Variants in CSMD1 observed in about 807,000 individuals in gnomAD.
CSMD1 encodes the protein CUB and Sushi multiple domains 1.
Under a neutral mutation model 417.5 loss-of-function variants are expected in CSMD1, and 213 were observed. That is an observed-to-expected ratio of 0.51 (90% CI 0.46 to 0.57). The LOEUF is 0.57. Among genes scored for constraint, CSMD1 ranks in the 20% least tolerant of loss-of-function variants. The probability of loss-of-function intolerance (pLI) is 0.00; values close to 1 mark genes in which losing one functional copy is unlikely to be tolerated. For synonymous variants in CSMD1, 2,862 were observed against 1,736.8 expected, an observed-to-expected ratio of 1.65 and a Z score of -16.11; for missense variants, 6,923 against 4,529.7, an observed-to-expected ratio of 1.53 and a Z score of -15.17.
intron 3 of CSMD1, among the ~76,000 whole-genome samples, chr8:4,176,691 C>G (rs549437385): frequency 6.6e-6 from 1 of 150,906 alleles, no homozygotes; most frequent in Non-Finnish European, 1.5e-5. Context: ...AGCCATCTCA[C>G]GTGCAGAGAC....
chr8:4,429,545 G>T (rs565790683), intron 2 of CSMD1, among the ~76,000 whole-genome samples: 7 of 152,216 alleles, frequency 4.6e-5, no homozygotes, highest in Admixed American at 3.3e-4. Flanking sequence ...TTGCAAAAGC[G>T]TGAGACTCAT....
intron 3 of CSMD1, among the ~76,000 whole-genome samples, chr8:4,402,812 TTTTTTTTTC>T (rs1563136653): frequency 3.2e-4 from 19 of 58,828 alleles, no homozygotes; most frequent in African/African-American, 1.1e-3. Context: ...TTTTTTTTTT[TTTTTTTTTC>T]TTTTTTTTTT....
In CSMD1 at chr8:4,511,431, G is replaced by C. The variant is rs189387051; in HGVS notation, c.303-91366C>G. Among the ~76,000 whole-genome samples, 3 of 152,274 alleles carry C rather than the reference G, an allele frequency of 2.0e-5. No individual in the cohort carries two copies. In the East Asian group the frequency reaches 5.8e-4, roughly 29 times the overall value. On this transcript the variant is annotated intron_variant, in intron 2 of 69. Coordinates refer to ENST00000635120, the MANE Select transcript of CSMD1 (RefSeq NM_033225.6). ...TGGTTTCTATTTTCTGGTTTATACAGATTATTGTTTTAAAAAGCAGAATAC... is the reference window on the plus strand; with the variant it reads ...TGGTTTCTATTTTCTGGTTTATACACATTATTGTTTTAAAAAGCAGAATAC...
At chr8:4,745,083 C>G (rs545070423) in intron 1 of CSMD1, among the ~76,000 whole-genome samples, 1 of 151,916 alleles carries the variant, frequency 6.6e-6, no homozygotes, top group Non-Finnish European at 1.5e-5. Flanking sequence ...AATAAAATCT[C>G]GAGAAATGCG....
intron 1 of CSMD1, among the ~76,000 whole-genome samples, chr8:4,750,402 C>G (rs905988279): frequency 3.9e-5 from 6 of 152,076 alleles, no homozygotes; most frequent in African/African-American, 1.2e-4. Flanking sequence ...ATTCAATTTC[C>G]TTAGGATAAA....
chr8:4,611,281 T>C (rs757042992), intron 2 of CSMD1, among the ~76,000 whole-genome samples: 1 of 152,210 alleles, frequency 6.6e-6, no homozygotes, highest in Non-Finnish European at 1.5e-5. Context: ...TGTGAAAACC[T>C]TTTCATACCA....
intron 7 of CSMD1, among the ~76,000 whole-genome samples, chr8:3,666,451 C>G (rs1336187066): frequency 6.6e-6 from 1 of 152,168 alleles, no homozygotes; most frequent in Non-Finnish European, 1.5e-5. Context: ...GACAGAAATA[C>G]TGAATCACGA....
intron 3 of CSMD1, among the ~76,000 whole-genome samples, chr8:4,215,462 C>G (rs981323441): frequency 6.6e-6 from 1 of 150,896 alleles, no homozygotes; most frequent in African/African-American, 2.4e-5. Context: ...ATATTTTACA[C>G]TGAGAAAAGA....
chr8:4,826,861 T>A (rs972591088), intron 1 of CSMD1, among the ~76,000 whole-genome samples: 1 of 152,116 alleles, frequency 6.6e-6, no homozygotes, highest in Non-Finnish European at 1.5e-5. Flanking sequence ...AGCTGACGGA[T>A]AAGAAAAACT....
At chr8:3,355,517 C>T (rs1451384368) in intron 21 of CSMD1, among the ~76,000 whole-genome samples, 2 of 152,120 alleles carry the variant, frequency 1.3e-5, no homozygotes, top group South Asian at 2.1e-4. Flanking sequence ...CAGGAATAGG[C>T]ATGGGACTCA....
chr8:4,307,034 C>T (rs1022942662), intron 3 of CSMD1, among the ~76,000 whole-genome samples: 5 of 152,104 alleles, frequency 3.3e-5, no homozygotes, highest in Non-Finnish European at 5.9e-5. Context: ...GCACCATGTC[C>T]ACTGTGGGGT....
intron 41 of CSMD1, among the ~76,000 whole-genome samples, chr8:3,141,873 C>A (rs1818510637): frequency 6.6e-6 from 1 of 151,524 alleles, no homozygotes; most frequent in South Asian, 2.1e-4. Context: ...TCTCTCCTCA[C>A]TGCAAGCTCC....
intron 5 of CSMD1, among the ~76,000 whole-genome samples, chr8:3,764,137 G>A (rs1055172447): frequency 6.6e-6 from 1 of 152,156 alleles, no homozygotes; most frequent in South Asian, 2.1e-4. Context: ...GGCTCAGGGA[G>A]TGCACAGCAC....
intron 3 of CSMD1, among the ~76,000 whole-genome samples, chr8:4,287,307 T>A (rs1464166748): frequency 6.6e-6 from 1 of 152,208 alleles, no homozygotes; most frequent in African/African-American, 2.4e-5. Context: ...TATTTTCAGA[T>A]AAATCAAGCA....
Position 3,216,490 on chromosome 8 carries a change from C to A in CSMD1, c.4673-1799G>T, listed in dbSNP as rs146367308. Among the ~76,000 whole-genome samples the A allele has an allele frequency of 3.5e-4, 53 of 152,172 alleles. No homozygotes were observed. In the Middle Eastern group the frequency reaches 0.027, roughly 78 times the overall value. The stretch of plus-strand genomic sequence containing the variant: ...TTTTGATCATTTTTTTGTTATAAAT[C>A]TCTTTTAGTCTAGTTTCCTGTTTGA... On this transcript the variant is annotated intron_variant, in intron 29 of 69. Transcript: ENST00000635120.
At chr8:4,577,435 G>A (rs1211556799) in intron 2 of CSMD1, among the ~76,000 whole-genome samples, 2 of 152,074 alleles carry the variant, frequency 1.3e-5, no homozygotes, top group Non-Finnish European at 2.9e-5. Flanking sequence ...CTGCTCTCAG[G>A]AACCCAACAG....
chr8:3,774,173 G>C (rs1294779203), intron 5 of CSMD1, among the ~76,000 whole-genome samples: 1 of 152,150 alleles, frequency 6.6e-6, no homozygotes, highest in African/African-American at 2.4e-5. Flanking sequence ...AGCCTTTTGT[G>C]ACCTGCACCG....
chr8:4,908,915 T>C (rs555826656), intron 1 of CSMD1, among the ~76,000 whole-genome samples: 2 of 152,308 alleles, frequency 1.3e-5, no homozygotes, highest in East Asian at 3.9e-4. Context: ...ATCTCTCAAA[T>C]CTCAGTCATT....
intron 21 of CSMD1, among the ~76,000 whole-genome samples, chr8:3,352,519 C>G (rs1347075766): frequency 6.6e-6 from 1 of 152,088 alleles, no homozygotes; most frequent in African/African-American, 2.4e-5. Flanking sequence ...GTCTATTTGT[C>G]ACTTACACAG....
Sources: gnomAD v4.1 joint callset for allele counts (sites outside exome capture counted in the v4.1 genomes callset) on GRCh38, gnomAD v4.1.1 for gene constraint, MANE v1.5 for transcripts, NCBI Gene and HGNC (gene_info 2026-07-23, HGNC 2026-07-21) for gene names.